Variants in PLEKHA4 observed in about 807,000 individuals in gnomAD.
PLEKHA4 encodes the protein pleckstrin homology domain-containing family A member 4.
A neutral mutation model predicts 94.7 loss-of-function variants in PLEKHA4; 73 were observed. The ratio of observed to expected loss-of-function variants is 0.77; its 90% CI spans 0.64 to 0.94. PLEKHA4 has a LOEUF of 0.94. Ranked by LOEUF, PLEKHA4 falls within the 40% of genes least tolerant of loss-of-function variation. The pLI, the probability that PLEKHA4 is intolerant of heterozygous loss-of-function variation, is 0.00. For missense variants in PLEKHA4, 1,049 were observed against 1,054.1 expected (o/e 1.00, Z 0.07); for synonymous variants, 449 against 437.1 (o/e 1.03, Z -0.34).
At chr19:48,844,639 G>C in intron 16 of PLEKHA4, 1 of 985,152 alleles carries the variant, frequency 1.0e-6, no homozygotes, top group Non-Finnish European at 1.2e-6. Flanking sequence ...GCCAATCATT[G>C]ATAGCTCCAT....
In PLEKHA4 at chr19:48,837,232, C is replaced by T. The variant is rs2035558622; in HGVS notation, c.*57G>A. 2 of 1,612,950 alleles carry T rather than the reference C, an allele frequency of 1.2e-6. No individual in the cohort carries two copies. The highest frequency in any genetic ancestry group is 1.3e-5 in the African/African-American group (1 of 74,994). On this transcript the variant is annotated 3_prime_UTR_variant, in exon 20 of 20. Transcript: ENST00000263265. This position sits in a 1 kb window ranked among gnomAD's most constrained non-coding sequence, Gnocchi z 4.3. ...GATGCCCTGAGTGGTCCCAGATCTC[C>T]GGCGGTACCTCCAGACCACGTCCTC... is the stretch of plus-strand genomic sequence containing the variant.
chr19:48,846,226 G>A (rs916353840), intron 14 of PLEKHA4, among the ~76,000 whole-genome samples: 1 of 151,912 alleles, frequency 6.6e-6, no homozygotes, highest in Admixed American at 6.6e-5. Context: ...GGCCGAGGCA[G>A]GCGGATCACA....
At position 48,863,087 on chromosome 19, in the gene PLEKHA4, A is replaced by G. The variant is rs1013229356; in HGVS notation, c.193-1395T>C. Among the ~76,000 whole-genome samples the G allele has an allele frequency of 3.3e-5, 5 of 151,874 alleles. 1 individual carries two copies. Among genetic ancestry groups the G allele is most frequent in the Admixed American group, 3.3e-4 (5 of 15,260 alleles). ...CTCTGCCTGAACTACTCCACTAACTATCTCCAACCTCGTGTGCCTCTTCTC... is the reference window on the plus strand; with the variant it reads ...CTCTGCCTGAACTACTCCACTAACTGTCTCCAACCTCGTGTGCCTCTTCTC... On this transcript the variant is annotated intron_variant, in intron 3 of 19. Transcript: ENST00000263265.
At chr19:48,844,437 G>A in intron 16 of PLEKHA4, 4 of 984,900 alleles carry the variant, frequency 4.1e-6, no homozygotes, top group South Asian at 4.7e-5. Context: ...TTACAGGTAC[G>A]AGCCACGGTT....
chr19:48,860,229 G>T (rs1219634718), intron 6 of PLEKHA4, 121 bp downstream of exon 6: 3 of 800,324 alleles, frequency 3.7e-6, no homozygotes, highest in Non-Finnish European at 6.0e-6. Context: ...AAGACGAGGC[G>T]CCTTAGCTAG....
chr19:48,853,178 T>C (rs1392382255), intron 12 of PLEKHA4, among the ~76,000 whole-genome samples: 2 of 151,484 alleles, frequency 1.3e-5, no homozygotes, highest in Non-Finnish European at 2.9e-5. Flanking sequence ...TGTTAAATAT[T>C]CATTCATTCA....
intron 16 of PLEKHA4, chr19:48,844,327 G>T: frequency 2.6e-6 from 1 of 383,130 alleles, no homozygotes; most frequent in Non-Finnish European, 3.6e-6. Flanking sequence ...GATAATTTTT[G>T]TATTTTTGTA....
At chr19:48,854,143 G>A (rs1002774378) in intron 10 of PLEKHA4, 56 bp from the exon 11 acceptor site, 20 of 1,611,874 alleles carry the variant, frequency 1.2e-5, no homozygotes, top group South Asian at 6.6e-5. Context: ...TTCCCCTGCC[G>A]CTCCTCCCAT....
At chr19:48,858,084 C>G (rs1365188020) in intron 8 of PLEKHA4, among the ~76,000 whole-genome samples, 1 of 152,016 alleles carries the variant, frequency 6.6e-6, no homozygotes, top group Non-Finnish European at 1.5e-5. Context: ...ACTGTGGGGA[C>G]ACAGAGGGTG....
chr19:48,842,230 C>A (rs879650925), intron 16 of PLEKHA4, among the ~76,000 whole-genome samples: 3 of 150,332 alleles, frequency 2.0e-5, no homozygotes, highest in African/African-American at 7.5e-5. Flanking sequence ...CTGCAACCTC[C>A]GCCTCCTGGG....
At chr19:48,859,784 A>G in intron 6 of PLEKHA4, 100 bp from the exon 7 acceptor site, 1 of 1,105,808 alleles carries the variant, frequency 9.0e-7, no homozygotes, top group Non-Finnish European at 1.3e-6. Flanking sequence ...CAAAAAAGGA[A>G]AGTTGTGCAC....
Position 48,838,117 on chromosome 19 carries a change from G to A in PLEKHA4, c.1977C>T (p.Thr659=), listed in dbSNP as rs527259546. 7.4e-6 allele frequency: 12 copies of A among 1,612,308 alleles called. No individual in the cohort carries two copies. The South Asian group carries it at 1.2e-4, about 16-fold the overall frequency. ...SSGSWSSPRN[T]TPYLPTSEGH... ...CTTCGGAAGTCGGCAAGTAAGGGGT[G>A]GTGTTCCTTGGACTAGAAAAAAAAA... The change falls in exon 19 of 20, where the codon ACC becomes ACT. Residue 659 remains threonine (T), a synonymous_variant. Transcript: ENST00000263265.
At chr19:48,858,749 A>G in intron 8 of PLEKHA4, 111 bp downstream of exon 8, 2 of 1,233,826 alleles carry the variant, frequency 1.6e-6, no homozygotes, top group Non-Finnish European at 2.3e-6. Flanking sequence ...TGAGATCATT[A>G]TGGACTACAA....
At chr19:48,865,131 G>A (rs1329354581) in intron 3 of PLEKHA4, among the ~76,000 whole-genome samples, 1 of 151,938 alleles carries the variant, frequency 6.6e-6, no homozygotes, top group Non-Finnish European at 1.5e-5. Context: ...ATCACTTGAG[G>A]TCGGGAGTTT....
In PLEKHA4 at chr19:48,837,158, GAAA is replaced by G; in HGVS notation, c.*128_*130del. 7.4e-7 allele frequency: 1 copy of G among 1,349,496 alleles called. No individual in the cohort carries two copies. Among genetic ancestry groups the G allele is most frequent in the South Asian group, 1.2e-5 (1 of 80,616 alleles). The allele number at this position is 1,349,496 out of a possible 1,614,324, so 83.6% of individuals were successfully genotyped here. On this transcript the variant is annotated 3_prime_UTR_variant, in exon 20 of 20. Coordinates refer to ENST00000263265, the MANE Select transcript of PLEKHA4 (RefSeq NM_020904.3). The surrounding 1 kb of genome is among the most constrained non-coding windows in gnomAD (Gnocchi z 4.3). The stretch of plus-strand genomic sequence containing the variant: ...TTGAGAAAACCAAACTTTGGCCATA[GAAA>G]CCATTCCCCTCCCGGGCCCGCAATG...
intron 9 of PLEKHA4, among the ~76,000 whole-genome samples, chr19:48,854,981 C>T (rs1287136849): frequency 6.6e-6 from 1 of 151,880 alleles, no homozygotes; most frequent in Non-Finnish European, 1.5e-5. Flanking sequence ...CCTGGGATTA[C>T]AGGCATGAAC....
chr19:48,862,042 A>G (rs1280972655), intron 3 of PLEKHA4, among the ~76,000 whole-genome samples: 1 of 151,576 alleles, frequency 6.6e-6, no homozygotes, highest in African/African-American at 2.4e-5. Context: ...AGGGAGGATC[A>G]CTTGAGCCTG....
chr19:48,856,600 C>A lies in PLEKHA4; in HGVS notation c.1047+822G>T, dbSNP rs576719473. ...AGGCATGGTGGCACGTGCCTGTAAT[C>A]CCAGCTATTCAGGAGGTTGAGGCAG... is the stretch of plus-strand genomic sequence containing the variant. On this transcript the variant is annotated intron_variant, in intron 9 of 19. Coordinates refer to ENST00000263265, the MANE Select transcript of PLEKHA4 (RefSeq NM_020904.3). Among the ~76,000 whole-genome samples the A allele has an allele frequency of 2.6e-5, 4 of 152,172 alleles. No homozygotes were observed. In the East Asian group the frequency reaches 7.7e-4, roughly 29 times the overall value.
intron 13 of PLEKHA4, among the ~76,000 whole-genome samples, chr19:48,849,968 T>G (rs2036117185): frequency 6.6e-6 from 1 of 152,102 alleles, no homozygotes; most frequent in Admixed American, 6.6e-5. Context: ...ATCCCAGCAC[T>G]TTGGGAGGCC....
Sources: gnomAD v4.1 joint callset for allele counts (sites outside exome capture counted in the v4.1 genomes callset) on GRCh38, gnomAD v4.1.1 for gene constraint, Gnocchi (gnomAD v3.1) non-coding constraint, MANE v1.5 for transcripts, NCBI Gene and HGNC (gene_info 2026-07-23, HGNC 2026-07-21) for gene names.